Variants in LONRF1 observed in about 807,000 individuals in gnomAD.
The protein encoded by LONRF1 is LON peptidase N-terminal domain and RING finger protein 1.
Under a neutral mutation model 85.8 loss-of-function variants are expected in LONRF1, and 37 were observed. That is an observed-to-expected ratio of 0.43 (90% CI 0.33 to 0.57). The LOEUF is 0.57. Ranked by LOEUF, LONRF1 falls within the 20% of genes least tolerant of loss-of-function variation. The pLI is 0.04. For synonymous variants in LONRF1, 517 were observed against 390.1 expected (o/e 1.33, Z -3.83); for missense variants, 1,036 against 978.0 (o/e 1.06, Z -0.79).
At chr8:12,752,298 T>G (rs886343893) in intron 1 of LONRF1, among the ~76,000 whole-genome samples, 22 of 152,236 alleles carry the variant, frequency 1.4e-4, no homozygotes, top group Non-Finnish European at 3.1e-4. Flanking sequence ...AGCTTATGAC[T>G]GTACTAGTTA....
At chr8:12,737,828 A>G (rs1304389889) in intron 4 of LONRF1, among the ~76,000 whole-genome samples, 167 bp downstream of exon 4, 2 of 152,204 alleles carry the variant, frequency 1.3e-5, no homozygotes, top group African/African-American at 2.4e-5. Flanking sequence ...ATTTTACATA[A>G]AAGATTTTAG....
intron 3 of LONRF1, among the ~76,000 whole-genome samples, chr8:12,740,495 T>C (rs552389881): frequency 1.3e-5 from 2 of 152,262 alleles, no homozygotes; most frequent in African/African-American, 2.4e-5. Flanking sequence ...GACTGAGCAA[T>C]ACTATTGGCA....
intron 8 of LONRF1, 115 bp downstream of exon 8, chr8:12,731,621 C>A: frequency 1.2e-6 from 1 of 843,004 alleles, no homozygotes; most frequent in Non-Finnish European, 1.8e-6. Context: ...GGAAACAGAC[C>A]AATACTTCTT....
chr8:12,728,504 AACT>A (rs1162157821), intron 10 of LONRF1, among the ~76,000 whole-genome samples: 2 of 152,250 alleles, frequency 1.3e-5, no homozygotes, highest in Non-Finnish European at 2.9e-5. Flanking sequence ...CATCGGCTTC[AACT>A]ACTAATACAT....
rs138480572 is a variant in LONRF1, at chr8:12,727,487, A to T, written c.2010+1414T>A. ...ATTATATAGATGAAGACATGATGAG[A>T]AAAGATTACTAGACATTCCGAGGAC... is the stretch of plus-strand genomic sequence containing the variant. On this transcript the variant is annotated intron_variant, in intron 10 of 11. Transcript: ENST00000398246. 1.5e-3 allele frequency among the ~76,000 whole-genome samples: 226 copies of T among 149,956 alleles called. 5 individuals carry two copies. In the East Asian group the frequency reaches 0.039, roughly 26 times the overall value.
chr8:12,726,257 T>C (rs1438462469), intron 10 of LONRF1, among the ~76,000 whole-genome samples: 1 of 152,308 alleles, frequency 6.6e-6, no homozygotes, highest in East Asian at 1.9e-4. Flanking sequence ...AAAAAGTGGA[T>C]GATAGTTGCT....
At chr8:12,724,633 A>G (rs925378203) in intron 11 of LONRF1, among the ~76,000 whole-genome samples, 4 of 152,246 alleles carry the variant, frequency 2.6e-5, no homozygotes, top group African/African-American at 9.6e-5. Context: ...GATACAGGAC[A>G]GGATAATAAA....
At chr8:12,742,382 A>G (rs1018328286) in intron 2 of LONRF1, among the ~76,000 whole-genome samples, 7 of 152,262 alleles carry the variant, frequency 4.6e-5, no homozygotes, top group African/African-American at 1.7e-4. Context: ...GAGAATCTGT[A>G]AACTGACTGT....
intron 1 of LONRF1, among the ~76,000 whole-genome samples, chr8:12,743,879 T>C (rs1047440692): frequency 5.9e-5 from 9 of 152,154 alleles, no homozygotes; most frequent in African/African-American, 1.9e-4. Flanking sequence ...CAAAATATAT[T>C]TAATTTAAAA....
intron 1 of LONRF1, among the ~76,000 whole-genome samples, chr8:12,744,160 T>C (rs751853658): frequency 3.5e-4 from 53 of 152,204 alleles, no homozygotes; most frequent in Admixed American, 6.5e-5. Flanking sequence ...CATTGTAAGA[T>C]GGGCATAAAG....
At chr8:12,747,944 A>G (rs1429581952) in intron 1 of LONRF1, among the ~76,000 whole-genome samples, 1 of 152,128 alleles carries the variant, frequency 6.6e-6, no homozygotes, top group Non-Finnish European at 1.5e-5. Context: ...GTACATTTTT[A>G]ACATGTAGTT....
At chr8:12,727,080 A>G (rs893440024) in intron 10 of LONRF1, among the ~76,000 whole-genome samples, 1 of 148,934 alleles carries the variant, frequency 6.7e-6, no homozygotes, top group Non-Finnish European at 1.5e-5. Flanking sequence ...GCTAACATAC[A>G]TTGATAGGAG....
intron 2 of LONRF1, among the ~76,000 whole-genome samples, chr8:12,741,519 A>G (rs932055746): frequency 1.1e-4 from 17 of 152,310 alleles, no homozygotes; most frequent in African/African-American, 3.9e-4. Context: ...CTTTTTCACC[A>G]AAGTTCCACA....
At chr8:12,731,973 A>G in intron 7 of LONRF1, 116 bp from the exon 8 acceptor site, 1 of 967,108 alleles carries the variant, frequency 1.0e-6, no homozygotes, top group Non-Finnish European at 1.5e-6. Flanking sequence ...TCAATTCTGG[A>G]TTAATTAGTG....
chr8:12,744,682 T>C (rs914216674), intron 1 of LONRF1, among the ~76,000 whole-genome samples: 3 of 152,162 alleles, frequency 2.0e-5, no homozygotes, highest in Non-Finnish European at 4.4e-5. Flanking sequence ...GAGCAGCGTA[T>C]GGCAAAATAG....
intron 11 of LONRF1, among the ~76,000 whole-genome samples, chr8:12,725,515 A>T (rs1337442752): frequency 1.3e-5 from 2 of 152,160 alleles, no homozygotes; most frequent in African/African-American, 4.8e-5. Flanking sequence ...ATCTCAGCTG[A>T]CACGTATTTC....
intron 10 of LONRF1, among the ~76,000 whole-genome samples, chr8:12,726,916 T>C (rs1342205210): frequency 2.0e-5 from 3 of 152,178 alleles, no homozygotes; most frequent in Admixed American, 6.6e-5. Flanking sequence ...ACAATGTGAA[T>C]GTACTTAATG....
chr8:12,741,630 A>T (rs1377087728), intron 2 of LONRF1, among the ~76,000 whole-genome samples: 1 of 152,122 alleles, frequency 6.6e-6, no homozygotes, highest in East Asian at 1.9e-4. Flanking sequence ...AAAGGAAATT[A>T]TACGTAAAAT....
chr8:12,727,411 T>C (rs937771912), intron 10 of LONRF1: 3 of 151,516 alleles, frequency 2.0e-5, no homozygotes, highest in African/African-American at 4.8e-5. Flanking sequence ...AGAGGAAAAT[T>C]TGCCATATAA....
Sources: allele counts gnomAD v4.1 joint callset (sites outside exome capture counted in the v4.1 genomes callset), GRCh38; gene constraint gnomAD v4.1.1; transcripts MANE v1.5; gene names NCBI Gene and HGNC (gene_info 2026-07-23, HGNC 2026-07-21).